Variants in KIAA0586 observed in about 807,000 individuals in gnomAD.
The protein encoded by KIAA0586 is protein TALPID3.
Under a neutral mutation model 169.8 loss-of-function variants are expected in KIAA0586, and 144 were observed. The observed-to-expected ratio is 0.85, with a 90% CI of 0.74 to 0.97. KIAA0586 has a LOEUF of 0.97. Among genes scored for constraint, KIAA0586 ranks in the 50% least tolerant of loss-of-function variants. The probability of loss-of-function intolerance (pLI) is 0.00; values close to 1 mark genes in which losing one functional copy is unlikely to be tolerated. For synonymous variants in KIAA0586, 625 were observed against 612.4 expected, an observed-to-expected ratio of 1.02 and a Z score of -0.30; for missense variants, 1,854 against 1,823.0, an observed-to-expected ratio of 1.02 and a Z score of -0.31.
At chr14:58,442,311 C>T (rs2038463491) in intron 4 of KIAA0586, among the ~76,000 whole-genome samples, 1 of 151,904 alleles carries the variant, frequency 6.6e-6, no homozygotes, top group Non-Finnish European at 1.5e-5. Flanking sequence ...GGTTTCGCCA[C>T]GTTAGCCAGG....
chr14:58,537,519 T>A (rs1022627633), intron 29 of KIAA0586, among the ~76,000 whole-genome samples: 6 of 152,234 alleles, frequency 3.9e-5, no homozygotes, highest in Non-Finnish European at 7.3e-5. Flanking sequence ...CTGTAGAATT[T>A]GAAAGGGAGC....
intron 29 of KIAA0586, among the ~76,000 whole-genome samples, chr14:58,529,399 C>CA (rs1035989418): frequency 2.0e-5 from 3 of 151,656 alleles, no homozygotes; most frequent in African/African-American, 4.8e-5. Flanking sequence ...AGAGACACAA[C>CA]AAAAAAAAGA....
chr14:58,530,696 A>G (rs2045903679), intron 29 of KIAA0586, among the ~76,000 whole-genome samples: 1 of 152,236 alleles, frequency 6.6e-6, no homozygotes, highest in Non-Finnish European at 1.5e-5. Flanking sequence ...TTAATTCAAG[A>G]TGGATTAAAG....
chr14:58,438,737 G>T (rs976626694), intron 4 of KIAA0586, among the ~76,000 whole-genome samples: 1 of 152,188 alleles, frequency 6.6e-6, no homozygotes, highest in Admixed American at 6.5e-5. Context: ...CTTGAAGAAG[G>T]TAGTACTTGC....
chr14:58,540,500 A>C (rs2046580225), intron 30 of KIAA0586, among the ~76,000 whole-genome samples: 1 of 152,250 alleles, frequency 6.6e-6, no homozygotes, highest in Admixed American at 6.5e-5. Context: ...AAAGTGAAGC[A>C]GCTGGAACCT....
chr14:58,557,327 A>G, the KIAA0586 span, among the ~76,000 whole-genome samples: 10 of 152,216 alleles, frequency 6.6e-5, no homozygotes, highest in Admixed American at 4.6e-4. Context: ...GAGGGAGTCA[A>G]TGGTGGGTTT....
rs943039282 is a variant in KIAA0586, at chr14:58,470,637, A to G, written c.2467A>G (p.Ser823Gly). 18 of 1,604,188 alleles carry G rather than the reference A, an allele frequency of 1.1e-5. No individual in the cohort carries two copies. The highest frequency in any genetic ancestry group is 1.5e-5 in the Non-Finnish European group (18 of 1,172,044). The change falls in exon 17 of 31, where the codon AGC becomes GGC. Residue 823 changes from serine (S) to glycine (G), a missense_variant. Coordinates refer to ENST00000652326, the MANE Select transcript of KIAA0586 (RefSeq NM_001329943.3). ...VQVLPSVDIDSISNSSADVLS... is the reference protein window; with the variant it reads ...VQVLPSVDIDGISNSSADVLS... ...GGTATTACCCAGTGTAGATATTGAC[A>G]GCATTTCAAATAGTAGTGCTGATGT...
At chr14:58,442,270 C>A (rs564373922) in intron 4 of KIAA0586, among the ~76,000 whole-genome samples, 1 of 151,978 alleles carries the variant, frequency 6.6e-6, no homozygotes, top group Non-Finnish European at 1.5e-5. Flanking sequence ...CCACCACGCC[C>A]GGCTAATTTT....
At position 58,482,516 on chromosome 14, in the gene KIAA0586, A is replaced by G; in HGVS notation, c.2948A>G (p.Glu983Gly). ...GATTTTTTTTTTTTACTTTTAGTGG[A>G]AGGAACAAGCAGTGGCGCCCTCCAG... ...TSEPLTSDIVEGTSSGALQLF... is the reference protein window; with the variant it reads ...TSEPLTSDIVGGTSSGALQLF... Residue 983 changes from glutamate (E) to glycine (G), a missense_variant, in exon 21 of 31, where the codon GAA becomes GGA. Glu to Gly is a moderately conservative substitution (Grantham distance 98). Coordinates refer to ENST00000652326, the MANE Select transcript of KIAA0586 (RefSeq NM_001329943.3). The G allele has an allele frequency of 6.8e-7, 1 of 1,479,586 alleles. No homozygotes were observed. Among genetic ancestry groups the G allele is most frequent in the Non-Finnish European group, 9.0e-7 (1 of 1,109,002 alleles). 91.7% of individuals were successfully genotyped at this position (1,479,586 alleles called of 1,614,324 possible). A position where few individuals can be genotyped will look rare whatever the true frequency, so the allele number is the denominator to read the frequency against.
chr14:58,527,841 A>T (rs937355933), intron 29 of KIAA0586, among the ~76,000 whole-genome samples: 7 of 152,232 alleles, frequency 4.6e-5, no homozygotes, highest in Non-Finnish European at 8.8e-5. Flanking sequence ...GACAGGATCA[A>T]ATTCACACAT....
At chr14:58,560,635 C>A in the KIAA0586 span, among the ~76,000 whole-genome samples, 1 of 152,170 alleles carries the variant, frequency 6.6e-6, no homozygotes, top group African/African-American at 2.4e-5. Flanking sequence ...TGTCTTGCAT[C>A]TGTCACTTAA....
rs561677684 is a variant in KIAA0586, at chr14:58,487,805, T to G, written c.3305-82T>G. 2.4e-4 allele frequency: 191 copies of G among 786,862 alleles called. No individual in the cohort carries two copies. In the South Asian group the frequency reaches 3.1e-3, roughly 13 times the overall value. The allele number at this position is 786,862 out of a possible 1,614,324, so 48.7% of individuals were successfully genotyped here. ...TTGTGTGCTAAAATGGTAAGGGATA[T>G]CTGAAGCAATGTATCATGCCATCCT... On this transcript the variant is annotated intron_variant, in intron 22 of 30. Transcript: ENST00000652326.
At chr14:58,553,372 T>C (rs1460402965), downstream of KIAA0586, among the ~76,000 whole-genome samples, 1 of 152,142 alleles carries the variant, frequency 6.6e-6, no homozygotes, top group East Asian at 1.9e-4. Context: ...AGCTATGGTC[T>C]CTCATTCTTA....
intron 9 of KIAA0586, 149 bp downstream of exon 9, chr14:58,453,622 C>G (rs1387413895): frequency 1.8e-6 from 1 of 547,302 alleles, no homozygotes; most frequent in Non-Finnish European, 3.1e-6. Context: ...ATATATCTTC[C>G]CCCTTTCTAT....
the KIAA0586 span, among the ~76,000 whole-genome samples, chr14:58,557,901 CTTTTTTTT>C: frequency 7.3e-4 from 31 of 42,508 alleles, 2 homozygotes; most frequent in Admixed American, 2.0e-3. Flanking sequence ...CCTGAGAAAT[CTTTTTTTT>C]TTTTTTTTTT....
intron 22 of KIAA0586, among the ~76,000 whole-genome samples, chr14:58,487,447 A>G (rs946669255): frequency 3.9e-5 from 6 of 152,100 alleles, no homozygotes; most frequent in Non-Finnish European, 7.4e-5. Context: ...CTCTACTAAA[A>G]GTACAAAAAT....
chr14:58,470,469 G>T (rs1595245181), intron 16 of KIAA0586, 144 bp from the exon 17 acceptor site: 2 of 366,068 alleles, frequency 5.5e-6, no homozygotes, highest in Non-Finnish European at 9.7e-6. Flanking sequence ...TTATCCATTG[G>T]GTTCACAATA....
chr14:58,531,565 T>C (rs1393847032), intron 29 of KIAA0586, among the ~76,000 whole-genome samples: 2 of 152,132 alleles, frequency 1.3e-5, no homozygotes, highest in Admixed American at 6.5e-5. Context: ...TGTAGAGATA[T>C]AGGAATGCTT....
Position 58,428,514 on chromosome 14 carries a change from A to T in KIAA0586, c.199+51A>T, listed in dbSNP as rs2037055349. 3 of 1,345,374 alleles carry T rather than the reference A, an allele frequency of 2.2e-6. No homozygotes were observed. In the Admixed American group the frequency reaches 5.6e-5, roughly 25 times the overall value. 83.3% of individuals were successfully genotyped at this position (1,345,374 alleles called of 1,614,324 possible). ...ACCAGTTTTAGTTTAGTAAATCTTT[A>T]GTCCTTATTTGTTTAAATTCCCAAA... On this transcript the variant is annotated intron_variant, in intron 1 of 30. Coordinates refer to ENST00000652326, the MANE Select transcript of KIAA0586 (RefSeq NM_001329943.3).
Sources: allele counts gnomAD v4.1 joint callset (sites outside exome capture counted in the v4.1 genomes callset), GRCh38; gene constraint gnomAD v4.1.1; transcripts MANE v1.5; gene names NCBI Gene and HGNC (gene_info 2026-07-23, HGNC 2026-07-21).